Variants in LHFPL3 observed in about 807,000 individuals in gnomAD.
The protein encoded by LHFPL3 is LHFPL tetraspan subfamily member 3.
Under a neutral mutation model 19.3 loss-of-function variants are expected in LHFPL3, and 5 were observed. The ratio of observed to expected loss-of-function variants is 0.26; its 90% CI spans 0.14 to 0.54. LHFPL3 has a LOEUF of 0.54. Among genes scored for constraint, LHFPL3 ranks in the 20% least tolerant of loss-of-function variants. The pLI is 0.94. For synonymous variants in LHFPL3, 133 were observed against 126.2 expected, an observed-to-expected ratio of 1.05 and a Z score of -0.36; for missense variants, 249 against 307.4, an observed-to-expected ratio of 0.81 and a Z score of 1.42.
intron 1 of LHFPL3, among the ~76,000 whole-genome samples, chr7:104,681,696 C>T (rs1792707766): frequency 6.6e-6 from 1 of 152,000 alleles, no homozygotes; most frequent in Non-Finnish European, 1.5e-5. Flanking sequence ...CCTTATTACC[C>T]CTGTTTTACA....
rs149950770 is a variant in LHFPL3, at chr7:104,523,261, A to G, written c.445+194037A>G. Among the ~76,000 whole-genome samples, 287 of 152,202 alleles carry G rather than the reference A, an allele frequency of 1.9e-3. 3 individuals are homozygous for G. Among genetic ancestry groups the G allele is most frequent in the African/African-American group, 6.1e-3 (253 of 41,516 alleles). On this transcript the variant is annotated intron_variant, in intron 1 of 2. Transcript: ENST00000424859. The stretch of plus-strand genomic sequence containing the variant: ...TGTAATACAGCCTTTAAATAAATAA[A>G]TTATTTCTAACTCTTTAATGATCTC...
chr7:104,788,011 T>A (rs1240277199), intron 2 of LHFPL3, among the ~76,000 whole-genome samples: 1 of 152,212 alleles, frequency 6.6e-6, no homozygotes, highest in Non-Finnish European at 1.5e-5. Flanking sequence ...TTTGTCGAGT[T>A]CTTTCTCGTT....
At chr7:104,558,780 C>A (rs1196253380) in intron 1 of LHFPL3, among the ~76,000 whole-genome samples, 1 of 146,454 alleles carries the variant, frequency 6.8e-6, no homozygotes, top group Non-Finnish European at 1.5e-5. Context: ...ATGGTATTGC[C>A]TAGGTTTTCT....
chr7:104,875,893 C>T (rs1562822589), intron 2 of LHFPL3, among the ~76,000 whole-genome samples: 1 of 152,182 alleles, frequency 6.6e-6, no homozygotes, highest in Non-Finnish European at 1.5e-5. Flanking sequence ...ATCATTTGCA[C>T]ACTTCTCTCT....
At chr7:104,503,994 T>A (rs1793651913) in intron 1 of LHFPL3, among the ~76,000 whole-genome samples, 1 of 152,240 alleles carries the variant, frequency 6.6e-6, no homozygotes, top group Admixed American at 6.5e-5. Context: ...AAATAACTGC[T>A]CATCACACTT....
intron 1 of LHFPL3, among the ~76,000 whole-genome samples, chr7:104,615,034 A>G (rs1272727157): frequency 6.6e-6 from 1 of 152,250 alleles, no homozygotes; most frequent in Non-Finnish European, 1.5e-5. Context: ...AGATTACAAG[A>G]GTGAGCCACT....
intron 1 of LHFPL3, among the ~76,000 whole-genome samples, chr7:104,591,885 C>T (rs1017290775): frequency 5.9e-5 from 9 of 152,094 alleles, no homozygotes; most frequent in South Asian, 2.1e-4. Flanking sequence ...TCACTGATAC[C>T]CTTTCTTCCA....
chr7:104,787,849 G>T (rs1227688893), intron 2 of LHFPL3, among the ~76,000 whole-genome samples: 2 of 152,078 alleles, frequency 1.3e-5, no homozygotes, highest in African/African-American at 4.8e-5. Flanking sequence ...TCCTTTATAA[G>T]AACACTAATC....
At chr7:104,708,270 A>AT (rs1445325904) in intron 1 of LHFPL3, among the ~76,000 whole-genome samples, 3 of 152,046 alleles carry the variant, frequency 2.0e-5, no homozygotes, top group African/African-American at 4.8e-5. Flanking sequence ...ATGGTAAATC[A>AT]TTTTTTTCTG....
At chr7:104,759,545 A>G (rs528442643) in intron 2 of LHFPL3, among the ~76,000 whole-genome samples, 1 of 152,310 alleles carries the variant, frequency 6.6e-6, no homozygotes, top group South Asian at 2.1e-4. Flanking sequence ...CACAAGCCAC[A>G]TTTCCAGTGC....
At chr7:104,728,740 T>C (rs934636540) in intron 1 of LHFPL3, among the ~76,000 whole-genome samples, 1 of 152,194 alleles carries the variant, frequency 6.6e-6, no homozygotes, top group African/African-American at 2.4e-5. Flanking sequence ...TACTCATTTT[T>C]CGCCTCTTCT....
At chr7:104,852,710 A>G (rs773232026) in intron 2 of LHFPL3, among the ~76,000 whole-genome samples, 3 of 152,248 alleles carry the variant, frequency 2.0e-5, no homozygotes, top group Non-Finnish European at 2.9e-5. Flanking sequence ...CTGCAGCCCC[A>G]GTCTTGACAT....
At chr7:104,757,872 A>G (rs1236916258) in intron 2 of LHFPL3, 1 of 152,228 alleles carries the variant, frequency 6.6e-6, no homozygotes, top group African/African-American at 2.4e-5. Flanking sequence ...AGAGGAAAAT[A>G]AATTGTTCTA....
intron 1 of LHFPL3, among the ~76,000 whole-genome samples, chr7:104,443,375 G>A (rs1466276492): frequency 6.6e-6 from 1 of 152,188 alleles, no homozygotes; most frequent in Non-Finnish European, 1.5e-5. Context: ...GTGCATGGAT[G>A]TTTGGCCTTT....
At chr7:104,671,666 CTATT>C (rs990403960) in intron 1 of LHFPL3, among the ~76,000 whole-genome samples, 30 of 151,894 alleles carry the variant, frequency 2.0e-4, no homozygotes, top group South Asian at 4.2e-4. Flanking sequence ...CCAATACTAA[CTATT>C]TGTGTGAACT....
At chr7:104,635,751 G>A (rs1791717956) in intron 1 of LHFPL3, among the ~76,000 whole-genome samples, 1 of 152,118 alleles carries the variant, frequency 6.6e-6, no homozygotes, top group African/African-American at 2.4e-5. Context: ...TGGGAAAGAG[G>A]CAAAGAGATC....
chr7:104,905,243 G>T (rs552855937), intron 2 of LHFPL3, among the ~76,000 whole-genome samples: 1 of 151,944 alleles, frequency 6.6e-6, no homozygotes, highest in South Asian at 2.1e-4. Flanking sequence ...AGTGTGAGCC[G>T]TAACACCCAG....
intron 1 of LHFPL3, among the ~76,000 whole-genome samples, chr7:104,458,452 T>C (rs1792590493): frequency 1.3e-5 from 2 of 152,160 alleles, no homozygotes; most frequent in Admixed American, 1.3e-4. Flanking sequence ...TTCTGAGGGC[T>C]CTGTGCTGTT....
rs575733983 is a variant in LHFPL3 at position 104,693,086 on chromosome 7, C to T, written c.446-43589C>T. On this transcript the variant is annotated intron_variant, in intron 1 of 2. Coordinates refer to ENST00000424859, the MANE Select transcript of LHFPL3 (RefSeq NM_199000.3). ...AGACATGAAGTCAAAGGAGATCATTCGGAGCTTTAAGATTTGGCTGTCCCA... is the reference window on the plus strand; with the variant it reads ...AGACATGAAGTCAAAGGAGATCATTTGGAGCTTTAAGATTTGGCTGTCCCA... Among the ~76,000 whole-genome samples the T allele has an allele frequency of 7.2e-5, 11 of 152,340 alleles. No homozygotes were observed. The East Asian group carries it at 9.6e-4, about 13-fold the overall frequency.
Sources: gnomAD v4.1 joint callset for allele counts (sites outside exome capture counted in the v4.1 genomes callset) on GRCh38, gnomAD v4.1.1 for gene constraint, MANE v1.5 for transcripts, NCBI Gene and HGNC (gene_info 2026-07-23, HGNC 2026-07-21) for gene names.